Variants in PTPRD observed in about 807,000 individuals in gnomAD.
The protein encoded by PTPRD is protein tyrosine phosphatase receptor type D.
Under a neutral mutation model 214.5 loss-of-function variants are expected in PTPRD, and 34 were observed. The observed-to-expected ratio is 0.16, with a 90% confidence interval of 0.12 to 0.21. The LOEUF is 0.21. Ranked by LOEUF, PTPRD falls within the 10% of genes least tolerant of loss-of-function variation. PTPRD has a pLI of 1.00. For missense variants in PTPRD, 2,545 were observed against 2,398.7 expected, an observed-to-expected ratio of 1.06 and a Z score of -1.27; for synonymous variants, 1,128 against 845.7, an observed-to-expected ratio of 1.33 and a Z score of -5.79.
chr9:9,294,074 G>C (rs1297760338), intron 9 of PTPRD, among the ~76,000 whole-genome samples: 1 of 151,618 alleles, frequency 6.6e-6, no homozygotes. Context: ...AGGCTGTTAA[G>C]TGACTAATTG....
chr9:8,498,104 A>G (rs1299951743), intron 25 of PTPRD, among the ~76,000 whole-genome samples: 5 of 152,168 alleles, frequency 3.3e-5, no homozygotes, highest in African/African-American at 9.7e-5. Context: ...CTGCATTTAC[A>G]GAAGTGGCCT....
chr9:8,348,604 A>G (rs1270520979), intron 39 of PTPRD, among the ~76,000 whole-genome samples: 1 of 152,096 alleles, frequency 6.6e-6, no homozygotes, highest in Non-Finnish European at 1.5e-5. Context: ...AGGTTCAAAA[A>G]TTTCATCTAG....
At chr9:8,462,042 A>C (rs1250638277) in intron 32 of PTPRD, among the ~76,000 whole-genome samples, 1 of 151,992 alleles carries the variant, frequency 6.6e-6, no homozygotes, top group African/African-American at 2.4e-5. Flanking sequence ...ATCAACCTCC[A>C]TGCAGAATCT....
At chr9:10,309,270 C>T (rs985559039) in intron 3 of PTPRD, among the ~76,000 whole-genome samples, 10 of 151,918 alleles carry the variant, frequency 6.6e-5, no homozygotes, top group Admixed American at 5.3e-4. Context: ...TTCTTCTTCA[C>T]TTAAAAAATG....
In PTPRD at chr9:8,521,540, C is replaced by T; in HGVS notation, c.698G>A (p.Arg233His). The change falls in exon 20 of 46, where the codon CGT becomes CAT. Residue 233 changes from arginine (R) to histidine (H), a missense_variant. By Grantham distance (29) the Arg-to-His change is conservative. Transcript: ENST00000381196. ...TGGGATAGAGAATCTTGGTGGGACACGGCGAACTGGAACAAAACACAAGGG... is the reference window on the plus strand; with the variant it reads ...TGGGATAGAGAATCTTGGTGGGACATGGCGAACTGGAACAAAACACAAGGG... ...LYVRELREVR[R>H]VPPRFSIPPT... 8 of 1,612,688 alleles carry T rather than the reference C, an allele frequency of 5.0e-6. No individual in the cohort carries two copies. The highest frequency in any genetic ancestry group is 2.2e-5 in the East Asian group (1 of 44,830).
chr9:10,538,735 G>C (rs1479785413), intron 2 of PTPRD, among the ~76,000 whole-genome samples: 1 of 151,894 alleles, frequency 6.6e-6, no homozygotes, highest in Non-Finnish European at 1.5e-5. Context: ...TCATATAAAG[G>C]ACTTGAGACA....
At chr9:9,236,534 G>A (rs1415698184) in intron 9 of PTPRD, among the ~76,000 whole-genome samples, 2 of 151,304 alleles carry the variant, frequency 1.3e-5, no homozygotes, top group African/African-American at 4.9e-5. Flanking sequence ...TTGCATTTCT[G>A]GTCCCCAGAT....
chr9:8,657,134 T>C (rs1473564465), intron 12 of PTPRD, among the ~76,000 whole-genome samples: 1 of 151,956 alleles, frequency 6.6e-6, no homozygotes, highest in Non-Finnish European at 1.5e-5. Context: ...TGTCTTCTTT[T>C]GAGAAGTGTC....
At chr9:9,329,670 G>C (rs2041567089) in intron 9 of PTPRD, among the ~76,000 whole-genome samples, 1 of 152,080 alleles carries the variant, frequency 6.6e-6, no homozygotes, top group Admixed American at 6.5e-5. Context: ...GAATTACATG[G>C]ATCACATAAT....
At chr9:9,924,242 A>G (rs1463230887) in intron 5 of PTPRD, among the ~76,000 whole-genome samples, 1 of 152,026 alleles carries the variant, frequency 6.6e-6, no homozygotes, top group African/African-American at 2.4e-5. Context: ...GTAATGTTTA[A>G]AGTTGATAAA....
intron 8 of PTPRD, among the ~76,000 whole-genome samples, chr9:9,559,402 C>G (rs1394893553): frequency 1.3e-5 from 2 of 152,254 alleles, no homozygotes; most frequent in Non-Finnish European, 2.9e-5. Context: ...TAAAAGCCTA[C>G]TGGCACTTCC....
At chr9:8,480,812 C>T (rs1591600869) in intron 30 of PTPRD, among the ~76,000 whole-genome samples, 2 of 152,076 alleles carry the variant, frequency 1.3e-5, no homozygotes, top group Admixed American at 1.3e-4. Context: ...ATAAAAATTA[C>T]ACAAATACTC....
At chr9:9,220,742 T>A (rs1167080244) in intron 9 of PTPRD, among the ~76,000 whole-genome samples, 1 of 152,148 alleles carries the variant, frequency 6.6e-6, no homozygotes, top group Non-Finnish European at 1.5e-5. Flanking sequence ...TATGTAGGAA[T>A]GTGGGTAACT....
intron 9 of PTPRD, among the ~76,000 whole-genome samples, chr9:9,269,968 T>G (rs1376220139): frequency 1.3e-5 from 2 of 150,478 alleles, no homozygotes; most frequent in Non-Finnish European, 1.5e-5. Flanking sequence ...ATCGATTTAA[T>G]ATAATATTAA....
At chr9:10,019,342 G>T (rs540531117) in intron 4 of PTPRD, among the ~76,000 whole-genome samples, 1 of 152,132 alleles carries the variant, frequency 6.6e-6, no homozygotes, top group South Asian at 2.1e-4. Context: ...CTGTAAACTA[G>T]TTCAACCATT....
intron 9 of PTPRD, among the ~76,000 whole-genome samples, chr9:9,353,728 G>T (rs761081180): frequency 1.3e-5 from 2 of 151,652 alleles, no homozygotes; most frequent in Non-Finnish European, 2.9e-5. Flanking sequence ...AAACAAAAAA[G>T]AAAACAAGGA....
At chr9:8,802,689 C>G (rs2096595770) in intron 11 of PTPRD, among the ~76,000 whole-genome samples, 1 of 152,160 alleles carries the variant, frequency 6.6e-6, no homozygotes, top group African/African-American at 2.4e-5. Flanking sequence ...CCTGACAACC[C>G]ACAACTAACA....
intron 8 of PTPRD, among the ~76,000 whole-genome samples, chr9:9,427,104 C>A (rs1391355031): frequency 1.3e-5 from 2 of 152,154 alleles, no homozygotes; most frequent in Non-Finnish European, 2.9e-5. Flanking sequence ...TCGGTAATAA[C>A]AAACTTCTCC....
intron 9 of PTPRD, among the ~76,000 whole-genome samples, chr9:9,264,827 T>C (rs372255712): frequency 6.6e-6 from 1 of 151,050 alleles, no homozygotes; most frequent in Non-Finnish European, 1.5e-5. Context: ...TCCATGAGAT[T>C]ATCAGCCGAT....
Sources: gnomAD v4.1 joint callset for allele counts (sites outside exome capture counted in the v4.1 genomes callset) on GRCh38, gnomAD v4.1.1 for gene constraint, MANE v1.5 for transcripts, NCBI Gene and HGNC (gene_info 2026-07-23, HGNC 2026-07-21) for gene names.